The following CTTNBP2NL variants were observed in gnomAD, a reference collection of about 807,000 sequenced individuals.
CTTNBP2NL encodes CTTNBP2 N-terminal-like protein.
Under a neutral mutation model 32.5 loss-of-function variants are expected in CTTNBP2NL, and 16 were observed. The ratio of observed to expected loss-of-function variants is 0.49; its 90% CI spans 0.33 to 0.75. CTTNBP2NL has a LOEUF of 0.75. Among genes scored for constraint, CTTNBP2NL ranks in the 30% least tolerant of loss-of-function variants. The pLI, the probability that CTTNBP2NL is intolerant of heterozygous loss-of-function variation, is 0.02. For missense variants in CTTNBP2NL, 645 were observed against 756.0 expected (o/e 0.85, Z 1.72); for synonymous variants, 298 against 289.4 (o/e 1.03, Z -0.30).
chr1:112,394,559 G>A (rs1485889241), upstream of CTTNBP2NL, among the ~76,000 whole-genome samples: 1 of 152,192 alleles, frequency 6.6e-6, no homozygotes, highest in African/African-American at 2.4e-5. Context: ...CCTTTCTGAA[G>A]TTCAGTATAC....
Position 112,406,197 on chromosome 1 carries a change from C to T in CTTNBP2NL, c.-133-5997C>T, listed in dbSNP as rs933750541. Among the ~76,000 whole-genome samples the T allele has an allele frequency of 9.9e-5, 15 of 151,144 alleles. No homozygotes were observed. In the East Asian group the frequency reaches 2.7e-3, roughly 27 times the overall value. On this transcript the variant is annotated intron_variant, in intron 1 of 5. Coordinates refer to ENST00000271277, the MANE Select transcript of CTTNBP2NL (RefSeq NM_018704.3). ...AGACTCCGTCTCAAAAAAAAAAAAA[C>T]GTGTGCTAGACCTAGTTCTATTTAA... is the stretch of plus-strand genomic sequence containing the variant.
chr1:112,444,028 A>G (rs1373131463), intron 3 of CTTNBP2NL, among the ~76,000 whole-genome samples: 2 of 152,220 alleles, frequency 1.3e-5, no homozygotes, highest in African/African-American at 4.8e-5. Context: ...GGTCCCTGGC[A>G]TGAAGTATTC....
chr1:112,411,327 A>C (rs1352336688), intron 1 of CTTNBP2NL, among the ~76,000 whole-genome samples: 2 of 152,254 alleles, frequency 1.3e-5, no homozygotes, highest in African/African-American at 4.8e-5. Context: ...ATTACATTTT[A>C]TCAAATAAAA....
chr1:112,410,560 G>C (rs1476244210), intron 1 of CTTNBP2NL, among the ~76,000 whole-genome samples: 1 of 152,154 alleles, frequency 6.6e-6, no homozygotes, highest in Non-Finnish European at 1.5e-5. Flanking sequence ...AGCTGGCTAT[G>C]CCACAGTGTA....
At chr1:112,418,936 C>T (rs1649144097) in intron 3 of CTTNBP2NL, among the ~76,000 whole-genome samples, 1 of 152,172 alleles carries the variant, frequency 6.6e-6, no homozygotes, top group Admixed American at 6.5e-5. Context: ...AGATCTGATG[C>T]AAAGCCACAC....
chr1:112,419,830 G>A (rs560042442), intron 3 of CTTNBP2NL, among the ~76,000 whole-genome samples: 190 of 152,280 alleles, frequency 1.2e-3, no homozygotes, highest in Middle Eastern at 6.8e-3. Context: ...CCATAAGCCT[G>A]GACCTAACAG....
intron 3 of CTTNBP2NL, among the ~76,000 whole-genome samples, chr1:112,429,644 G>A (rs1248606809): frequency 2.6e-5 from 4 of 152,146 alleles, no homozygotes; most frequent in Non-Finnish European, 5.9e-5. Flanking sequence ...TGAAGTATAT[G>A]TGTAAAGATA....
chr1:112,447,164 C>T (rs550205411), intron 3 of CTTNBP2NL, among the ~76,000 whole-genome samples: 8 of 149,982 alleles, frequency 5.3e-5, no homozygotes, highest in South Asian at 4.2e-4. Context: ...GTCCCAGCTA[C>T]TTGGGAGGCT....
Position 112,448,931 on chromosome 1 carries a change from C to G in CTTNBP2NL, c.100-11C>G. The G allele has an allele frequency of 6.5e-7, 1 of 1,530,126 alleles. No individual in the cohort carries two copies. Among genetic ancestry groups the G allele is most frequent in the Non-Finnish European group, 9.0e-7 (1 of 1,111,942 alleles). The allele number at this position is 1,530,126 out of a possible 1,614,324, so 94.8% of individuals were successfully genotyped here. A position where few individuals can be genotyped will look rare whatever the true frequency, so the allele number is the denominator to read the frequency against. ...AAAAGCAAGATGCTTATTTTTTTTC[C>G]TCTTTCCCAGGCCCAACACAGAGAT... is the stretch of plus-strand genomic sequence containing the variant. On this transcript the variant is annotated splice_polypyrimidine_tract_variant and intron_variant, in intron 3 of 5. Transcript: ENST00000271277.
At chr1:112,430,639 T>G (rs564746681) in intron 3 of CTTNBP2NL, among the ~76,000 whole-genome samples, 1 of 148,410 alleles carries the variant, frequency 6.7e-6, no homozygotes, top group African/African-American at 2.5e-5. Flanking sequence ...CTGCAACCCC[T>G]TCCTCCTGGG....
intron 3 of CTTNBP2NL, among the ~76,000 whole-genome samples, chr1:112,422,666 C>A (rs1254764989): frequency 6.6e-6 from 1 of 152,118 alleles, no homozygotes; most frequent in African/African-American, 2.4e-5. Context: ...TTCATTTTAG[C>A]CATCCTTATA....
intron 4 of CTTNBP2NL, among the ~76,000 whole-genome samples, chr1:112,453,148 G>C (rs1650272561): frequency 6.6e-6 from 1 of 151,662 alleles, no homozygotes; most frequent in Non-Finnish European, 1.5e-5. Context: ...GAGGGAGAGG[G>C]AGAGGGAGAA....
intron 1 of CTTNBP2NL, chr1:112,396,648 C>T (rs1436323945): frequency 6.6e-6 from 1 of 151,992 alleles, no homozygotes; most frequent in African/African-American, 2.4e-5. Context: ...CCAAACATCC[C>T]TCCCTACACC....
At chr1:112,394,842 CTTTA>C (rs754954868), upstream of CTTNBP2NL, among the ~76,000 whole-genome samples, 15 of 152,318 alleles carry the variant, frequency 9.8e-5, no homozygotes, top group South Asian at 4.1e-4. Context: ...AGCTCTATGA[CTTTA>C]TTTGACTTCT....
Position 112,416,152 on chromosome 1 carries a change from TTC to T in CTTNBP2NL, c.-9-4_-9-3del. ...GAGATTGTCTGATTGTTACCTTTGT[TTC>T]AGGCTTTCAAGATGAATCTGGAAAA... On this transcript the variant is annotated splice_polypyrimidine_tract_variant and splice_region_variant and intron_variant, in intron 2 of 5. Coordinates refer to ENST00000271277, the MANE Select transcript of CTTNBP2NL (RefSeq NM_018704.3). 1 of 1,454,164 alleles carries T rather than the reference TTC, an allele frequency of 6.9e-7. No homozygotes were observed. The highest frequency in any genetic ancestry group is 1.4e-5 in the African/African-American group (1 of 71,264). 90.1% of individuals were successfully genotyped at this position (1,454,164 alleles called of 1,614,324 possible).
At position 112,457,263 on chromosome 1, in the gene CTTNBP2NL, C is replaced by A; in HGVS notation, c.1771C>A (p.Pro591Thr). 1 of 1,614,162 alleles carries A rather than the reference C, an allele frequency of 6.2e-7. No homozygotes were observed. Among genetic ancestry groups the A allele is most frequent in the Non-Finnish European group, 8.5e-7 (1 of 1,180,030 alleles). ...CCCACCCAAGAAACCTGGCCTCACC[C>A]CTTCTCCATCTGCTACCACTCCATT... ...PIPPKKPGLTPSPSATTPLTK... is the reference protein window; with the variant it reads ...PIPPKKPGLTTSPSATTPLTK... The change falls in exon 6 of 6, where the codon CCT (proline) becomes ACT (threonine). Residue 591 changes from proline to threonine, a missense_variant. Physicochemically the swap from Pro to Thr is conservative, Grantham distance 38. Transcript: ENST00000271277.
Position 112,449,135 on chromosome 1 carries a change from T to A in CTTNBP2NL, c.293T>A (p.Leu98Gln). 6.2e-7 allele frequency: 1 copy of A among 1,613,520 alleles called. No individual in the cohort carries two copies. The highest frequency in any genetic ancestry group is 1.1e-5 in the South Asian group (1 of 91,054). Reference protein sequence around the residue: ...KQCKNMQERMLSQLAAAESRH... With the variant: ...KQCKNMQERMQSQLAAAESRH... ...TGCAAGAACATGCAGGAGCGCATGC[T>A]GTCCCAGCTGGCTGCTGCTGAGAGC... Residue 98 changes from leucine to glutamine, a missense_variant, in exon 4 of 6, where the codon CTG becomes CAG. Physicochemically the swap from Leu to Gln is moderately radical, Grantham distance 113. Coordinates refer to ENST00000271277, the MANE Select transcript of CTTNBP2NL (RefSeq NM_018704.3).
intron 1 of CTTNBP2NL, among the ~76,000 whole-genome samples, chr1:112,408,678 T>C (rs1299120805): frequency 1.3e-4 from 20 of 152,178 alleles, no homozygotes; most frequent in Admixed American, 1.2e-3. Flanking sequence ...CAAGTTTCTT[T>C]TTTATTATTA....
intron 3 of CTTNBP2NL, among the ~76,000 whole-genome samples, chr1:112,445,828 C>A (rs2483340): frequency 0.49 from 73,734 of 151,980 alleles, 21,589 homozygotes; most frequent in South Asian, 0.7. Flanking sequence ...TTTTAAAAGT[C>A]ATATTTTGGG....
Sources: gnomAD v4.1 joint callset for allele counts (sites outside exome capture counted in the v4.1 genomes callset) on GRCh38, gnomAD v4.1.1 for gene constraint, MANE v1.5 for transcripts, NCBI Gene and HGNC (gene_info 2026-07-23, HGNC 2026-07-21) for gene names.